Variants in VTI1A observed in about 807,000 individuals in gnomAD.
The protein encoded by VTI1A is vesicle transport through interaction with t-SNAREs homolog 1A.
A neutral mutation model predicts 34.9 loss-of-function variants in VTI1A; 22 were observed. The observed-to-expected ratio is 0.63, with a 90% CI of 0.45 to 0.90. VTI1A has a LOEUF of 0.90. Ranked by LOEUF, VTI1A falls within the 40% of genes least tolerant of loss-of-function variation. The pLI, the probability that VTI1A is intolerant of heterozygous loss-of-function variation, is 0.00. For synonymous variants in VTI1A, 87 were observed against 97.3 expected (o/e 0.89, Z 0.62); for missense variants, 268 against 275.6 (o/e 0.97, Z 0.20).
At chr10:112,650,375 G>A (rs1239622297) in intron 5 of VTI1A, among the ~76,000 whole-genome samples, 1 of 152,062 alleles carries the variant, frequency 6.6e-6, no homozygotes, top group Non-Finnish European at 1.5e-5. Context: ...CCAATAACAT[G>A]CATGGAGCTG....
Position 112,535,193 on chromosome 10 carries a change from C to T in VTI1A, c.343-3053C>T, listed in dbSNP as rs1850577058. ...GGAATTCATGTTTCTGAAACTGTAA[C>T]ATGTAATTGAATTATAATTGGAAAA... On this transcript the variant is annotated intron_variant, in intron 4 of 7. Coordinates refer to ENST00000393077, the MANE Select transcript of VTI1A (RefSeq NM_145206.4). Among the ~76,000 whole-genome samples the T allele has an allele frequency of 2.6e-5, 4 of 152,180 alleles. No individual in the cohort carries two copies. In the South Asian group the frequency reaches 8.3e-4, roughly 32 times the overall value.
chr10:112,506,930 G>A (rs1849451025), intron 3 of VTI1A, among the ~76,000 whole-genome samples: 1 of 148,260 alleles, frequency 6.7e-6, no homozygotes, highest in Non-Finnish European at 1.5e-5. Flanking sequence ...ATTTAAAGCT[G>A]TATTTTTTTG....
intron 7 of VTI1A, chr10:112,737,623 C>T (rs760909264): frequency 6.6e-5 from 69 of 1,048,928 alleles, no homozygotes; most frequent in Non-Finnish European, 7.7e-5. Context: ...AAGGCAAAGC[C>T]TCTATGTGTG....
intron 7 of VTI1A, among the ~76,000 whole-genome samples, chr10:112,788,159 T>C (rs963138355): frequency 6.6e-6 from 1 of 152,124 alleles, no homozygotes; most frequent in African/African-American, 2.4e-5. Context: ...TCTATAAATG[T>C]TGATTTCTAT....
At chr10:112,698,187 A>G (rs1027485690) in intron 7 of VTI1A, among the ~76,000 whole-genome samples, 3 of 152,204 alleles carry the variant, frequency 2.0e-5, no homozygotes, top group Non-Finnish European at 4.4e-5. Context: ...AGTGATATGT[A>G]TATTTTAAAA....
intron 4 of VTI1A, among the ~76,000 whole-genome samples, chr10:112,532,896 A>G (rs1421265402): frequency 2.0e-5 from 3 of 152,124 alleles, no homozygotes; most frequent in East Asian, 1.9e-4. Flanking sequence ...AGAAGTTCAT[A>G]TGATCGTGAA....
At chr10:112,637,396 T>C (rs1846394925) in intron 5 of VTI1A, among the ~76,000 whole-genome samples, 1 of 152,198 alleles carries the variant, frequency 6.6e-6, no homozygotes, top group African/African-American at 2.4e-5. Context: ...GGGCTGGGTG[T>C]GGTGGCTCAC....
At chr10:112,731,840 G>T (rs1012631344) in intron 7 of VTI1A, among the ~76,000 whole-genome samples, 1 of 152,112 alleles carries the variant, frequency 6.6e-6, no homozygotes, top group Non-Finnish European at 1.5e-5. Flanking sequence ...GCTGATCCAA[G>T]ACATTTTTAT....
At chr10:112,553,365 G>C (rs1177842482) in intron 5 of VTI1A, among the ~76,000 whole-genome samples, 1 of 152,214 alleles carries the variant, frequency 6.6e-6, no homozygotes, top group Non-Finnish European at 1.5e-5. Flanking sequence ...AATCCTTGCA[G>C]ATCTTCTATA....
intron 5 of VTI1A, among the ~76,000 whole-genome samples, chr10:112,638,942 A>G (rs1321805873): frequency 6.6e-6 from 1 of 152,090 alleles, no homozygotes. Flanking sequence ...AAGCAAAAGT[A>G]TCAGCATTTA....
chr10:112,516,591 C>G (rs572597636), intron 3 of VTI1A, among the ~76,000 whole-genome samples: 96 of 151,968 alleles, frequency 6.3e-4, no homozygotes, highest in Non-Finnish European at 1.2e-3. Context: ...GTCTTTCCAT[C>G]CAAATATCTC....
At chr10:112,668,173 T>C (rs1381402803) in intron 5 of VTI1A, 45 bp from the exon 6 acceptor site, 1 of 1,532,982 alleles carries the variant, frequency 6.5e-7, no homozygotes. Context: ...TACTCTCATA[T>C]GCACTCCAAG....
At chr10:112,543,401 T>G (rs1373063642) in intron 5 of VTI1A, among the ~76,000 whole-genome samples, 2 of 152,210 alleles carry the variant, frequency 1.3e-5, no homozygotes, top group African/African-American at 4.8e-5. Flanking sequence ...CTCATTGTGG[T>G]TTTGATTTGC....
intron 5 of VTI1A, among the ~76,000 whole-genome samples, chr10:112,576,283 G>A (rs932499020): frequency 6.8e-6 from 1 of 147,684 alleles, no homozygotes; most frequent in South Asian, 2.2e-4. Context: ...GCCTCCCAAA[G>A]TGCTGGGATT....
chr10:112,764,492 G>A (rs1339028878), intron 7 of VTI1A, among the ~76,000 whole-genome samples: 1 of 151,836 alleles, frequency 6.6e-6, no homozygotes, highest in African/African-American at 2.4e-5. Flanking sequence ...TTAATTCTCT[G>A]TTTTATATAG....
chr10:112,782,770 G>A (rs1234565399), intron 7 of VTI1A, among the ~76,000 whole-genome samples: 1 of 152,048 alleles, frequency 6.6e-6, no homozygotes, highest in Admixed American at 6.5e-5. Flanking sequence ...TCCAAAAATG[G>A]ATACATTCCT....
At chr10:112,679,070 A>AT (rs556513640) in intron 7 of VTI1A, among the ~76,000 whole-genome samples, 1 of 152,156 alleles carries the variant, frequency 6.6e-6, no homozygotes, top group Admixed American at 6.5e-5. Flanking sequence ...GTAGCTAAGA[A>AT]TTTTTTTTAA....
At chr10:112,724,914 G>C (rs2133946822) in intron 7 of VTI1A, among the ~76,000 whole-genome samples, 1 of 148,894 alleles carries the variant, frequency 6.7e-6, no homozygotes, top group East Asian at 2.0e-4. Context: ...CACCCTTCTT[G>C]TTTTATCCTT....
chr10:112,583,644 T>C (rs1844037572), intron 5 of VTI1A, among the ~76,000 whole-genome samples: 1 of 152,158 alleles, frequency 6.6e-6, no homozygotes, highest in Admixed American at 6.5e-5. Flanking sequence ...TGACAGGCAG[T>C]GTAATTTAGT....
Sources: gnomAD v4.1 joint callset for allele counts (sites outside exome capture counted in the v4.1 genomes callset) on GRCh38, gnomAD v4.1.1 for gene constraint, MANE v1.5 for transcripts, NCBI Gene and HGNC (gene_info 2026-07-23, HGNC 2026-07-21) for gene names.